The following AP1S3 variants were observed in gnomAD, a reference collection of about 807,000 sequenced individuals.
The protein encoded by AP1S3 is AP-1 complex subunit sigma-3.
A neutral mutation model predicts 20.9 loss-of-function variants in AP1S3; 10 were observed. The observed-to-expected ratio is 0.48, with a 90% CI of 0.29 to 0.81. The LOEUF is 0.81. Among genes scored for constraint, AP1S3 ranks in the 30% least tolerant of loss-of-function variants. AP1S3 has a pLI of 0.08. For missense variants in AP1S3, 154 were observed against 183.8 expected (o/e 0.84, Z 0.94); for synonymous variants, 41 against 61.5 (o/e 0.67, Z 1.56).
At chr2:223,802,362 G>A (rs1314692726) in intron 1 of AP1S3, among the ~76,000 whole-genome samples, 3 of 151,382 alleles carry the variant, frequency 2.0e-5, no homozygotes, top group East Asian at 1.9e-4. Context: ...GAGTGCAGTG[G>A]TGTGATCTTG....
At chr2:223,808,029 C>T (rs1559140889) in intron 1 of AP1S3, among the ~76,000 whole-genome samples, 1 of 151,632 alleles carries the variant, frequency 6.6e-6, no homozygotes, top group Non-Finnish European at 1.5e-5. Flanking sequence ...AGCTGGGACT[C>T]CAGGCACAGA....
At chr2:223,769,854 C>T (rs1230568295) in intron 3 of AP1S3, among the ~76,000 whole-genome samples, 1 of 148,340 alleles carries the variant, frequency 6.7e-6, no homozygotes, top group African/African-American at 2.5e-5. Flanking sequence ...ACGCCATTCT[C>T]CTGCCTCAGC....
rs1385619223 is a variant in AP1S3 at position 223,755,360 on chromosome 2, G to T, written c.*3355C>A. ...AAAACATGTTAAAACATTTTATTTT[G>T]GAAGTTTTATAGAAATTTAACATTT... On this transcript the variant is annotated 3_prime_UTR_variant, in exon 5 of 5. Coordinates refer to ENST00000396654, the MANE Select transcript of AP1S3 (RefSeq NM_001039569.2). Among the ~76,000 whole-genome samples, 1 of 151,958 alleles carries T rather than the reference G, an allele frequency of 6.6e-6. No individual in the cohort carries two copies. The highest frequency in any genetic ancestry group is 6.6e-5 in the Admixed American group (1 of 15,256).
chr2:223,769,769 G>A (rs1428744657), intron 3 of AP1S3, among the ~76,000 whole-genome samples: 3 of 118,106 alleles, frequency 2.5e-5, no homozygotes, highest in African/African-American at 6.3e-5. Context: ...TTTTTGAGAC[G>A]GAGTCTCCCT....
At chr2:223,788,773 A>G (rs2106100936) in intron 1 of AP1S3, among the ~76,000 whole-genome samples, 1 of 150,884 alleles carries the variant, frequency 6.6e-6, no homozygotes, top group African/African-American at 2.4e-5. Flanking sequence ...AAAAAAAAAA[A>G]AAAAAAAAGA....
chr2:223,757,145 A>C lies in AP1S3; in HGVS notation c.*1570T>G. 2 of 313,258 alleles carry C rather than the reference A, an allele frequency of 6.4e-6. No homozygotes were observed. Among genetic ancestry groups the C allele is most frequent in the Non-Finnish European group, 9.3e-6 (2 of 214,780 alleles). The allele number at this position is 313,258 out of a possible 1,614,324, so 19.4% of individuals were successfully genotyped here. Reference sequence around the variant, plus strand: ...GCTGGGATTACAGGCACCTGCCACCATGCCCGGCTAATTTTTTTGTTTGTT... The same window carrying C: ...GCTGGGATTACAGGCACCTGCCACCCTGCCCGGCTAATTTTTTTGTTTGTT... On this transcript the variant is annotated 3_prime_UTR_variant, in exon 5 of 5. Coordinates refer to ENST00000396654, the MANE Select transcript of AP1S3 (RefSeq NM_001039569.2).
At chr2:223,791,229 C>T (rs1162598542) in intron 1 of AP1S3, among the ~76,000 whole-genome samples, 2 of 151,968 alleles carry the variant, frequency 1.3e-5, no homozygotes, top group African/African-American at 4.8e-5. Context: ...ACAACAACAA[C>T]AACAAAAACA....
At chr2:223,765,039 C>T (rs1432846282) in intron 4 of AP1S3, 174 bp downstream of exon 4, 18 of 886,464 alleles carry the variant, frequency 2.0e-5, no homozygotes, top group Non-Finnish European at 2.8e-5. Context: ...GTAACAATAC[C>T]ACCTACTTTT....
intron 1 of AP1S3, among the ~76,000 whole-genome samples, chr2:223,788,654 C>T (rs1450305920): frequency 6.7e-6 from 1 of 149,900 alleles, no homozygotes; most frequent in African/African-American, 2.5e-5. Context: ...ATCCCAGCTA[C>T]TTGGGAGGCT....
At chr2:223,809,183 T>C (rs908423816) in intron 1 of AP1S3, among the ~76,000 whole-genome samples, 2 of 152,224 alleles carry the variant, frequency 1.3e-5, no homozygotes, top group Non-Finnish European at 2.9e-5. Context: ...ATCCTCACCA[T>C]GGCCTGCAAG....
intron 3 of AP1S3, chr2:223,770,083 A>C: frequency 7.0e-7 from 1 of 1,428,574 alleles, no homozygotes; most frequent in African/African-American, 1.4e-5. Flanking sequence ...TTAGAGGGAC[A>C]TGTAAAAATA....
chr2:223,807,080 A>C (rs1378904067), intron 1 of AP1S3, among the ~76,000 whole-genome samples: 1 of 152,190 alleles, frequency 6.6e-6, no homozygotes, highest in Non-Finnish European at 1.5e-5. Context: ...AACCTGGGCA[A>C]CATGGCGAAA....
rs1224233463 is a variant in AP1S3 at position 223,811,251 on chromosome 2, C to A, written c.3+26197G>T. On this transcript the variant is annotated intron_variant, in intron 1 of 4. Coordinates refer to ENST00000396654, the MANE Select transcript of AP1S3 (RefSeq NM_001039569.2). ...GAGATTACAGGCGCCCACCACTACACCTGGCTAATTTTTTGTATTTTTAGT... is the reference window on the plus strand; with the variant it reads ...GAGATTACAGGCGCCCACCACTACAACTGGCTAATTTTTTGTATTTTTAGT... Among the ~76,000 whole-genome samples the A allele has an allele frequency of 2.6e-5, 4 of 151,926 alleles. No homozygotes were observed. In the East Asian group the frequency reaches 5.8e-4, roughly 22 times the overall value.
In AP1S3 at chr2:223,788,875, C is replaced by G. The variant is rs184898808; in HGVS notation, c.4-11006G>C. Among the ~76,000 whole-genome samples the G allele has an allele frequency of 2.3e-3, 343 of 152,106 alleles. 1 individual carries two copies. Among genetic ancestry groups the G allele is most frequent in the Non-Finnish European group, 3.4e-3 (229 of 68,008 alleles). ...CTGAAAAGCTATGTATGTAAGGTTT[C>G]TGAACTTCCATCTCTAGCTTTGTCA... On this transcript the variant is annotated intron_variant, in intron 1 of 4. Transcript: ENST00000396654.
intron 1 of AP1S3, among the ~76,000 whole-genome samples, chr2:223,829,712 C>T (rs1307561484): frequency 6.6e-6 from 1 of 151,740 alleles, no homozygotes; most frequent in Non-Finnish European, 1.5e-5. Flanking sequence ...TGGTGGGCAC[C>T]TGTAATCCCA....
intron 1 of AP1S3, among the ~76,000 whole-genome samples, chr2:223,800,235 A>G (rs1268601239): frequency 2.0e-5 from 3 of 151,824 alleles, no homozygotes; most frequent in African/African-American, 7.3e-5. Flanking sequence ...AAAAAGAAAA[A>G]AAATCAATCA....
chr2:223,764,677 C>T (rs1180203443), intron 4 of AP1S3, among the ~76,000 whole-genome samples: 2 of 152,078 alleles, frequency 1.3e-5, no homozygotes, highest in Admixed American at 6.6e-5. Context: ...ATGATAAATG[C>T]CATGCTCAAT....
intron 1 of AP1S3, among the ~76,000 whole-genome samples, chr2:223,784,295 T>A (rs1480341176): frequency 1.3e-5 from 2 of 152,044 alleles, no homozygotes; most frequent in Non-Finnish European, 2.9e-5. Context: ...CATGCCCCCA[T>A]ATTCCCAGTC....
At chr2:223,790,690 A>G (rs1176439297) in intron 1 of AP1S3, among the ~76,000 whole-genome samples, 2 of 152,218 alleles carry the variant, frequency 1.3e-5, no homozygotes, top group East Asian at 1.9e-4. Context: ...ATTTTTACAC[A>G]CATATGTTAT....
Sources: gnomAD v4.1 joint callset for allele counts (sites outside exome capture counted in the v4.1 genomes callset) on GRCh38, gnomAD v4.1.1 for gene constraint, MANE v1.5 for transcripts, NCBI Gene and HGNC (gene_info 2026-07-23, HGNC 2026-07-21) for gene names.